SLC35D4: variants seen among roughly 807,000 people sequenced by gnomAD.
SLC35D4 encodes the protein UDP-N-acetylglucosamine transporter SLC35D4.
At chr18:23,290,038 C>T in the SLC35D4 span, among the ~76,000 whole-genome samples, 6 of 152,168 alleles carry the variant, frequency 3.9e-5, no homozygotes, top group Non-Finnish European at 8.8e-5. Flanking sequence ...TTCACATGGA[C>T]GCGCATGAAA....
At chr18:23,406,281 C>G in the SLC35D4 span, among the ~76,000 whole-genome samples, 2 of 152,194 alleles carry the variant, frequency 1.3e-5, no homozygotes, top group African/African-American at 4.8e-5. Flanking sequence ...AAACTTCACA[C>G]ATTTCCCTGG....
At chr18:23,389,055 T>C in the SLC35D4 span, among the ~76,000 whole-genome samples, 366 of 146,394 alleles carry the variant, frequency 2.5e-3, 4 homozygotes, top group South Asian at 3.7e-3. Context: ...AGTGGCGCCA[T>C]CTTGGCTCAC....
chr18:23,423,600 A>C, the SLC35D4 span, among the ~76,000 whole-genome samples: 7 of 152,218 alleles, frequency 4.6e-5, no homozygotes, highest in Non-Finnish European at 1.0e-4. Context: ...ACCCCGGTCT[A>C]GTGAAAGTAA....
At chr18:23,269,753 C>G in the SLC35D4 span, among the ~76,000 whole-genome samples, 2 of 152,158 alleles carry the variant, frequency 1.3e-5, no homozygotes, top group African/African-American at 4.8e-5. Context: ...TTGTTGGGAA[C>G]TGGAATAAAG....
At chr18:23,365,684 C>G in the SLC35D4 span, 2 of 1,612,796 alleles carry the variant, frequency 1.2e-6, no homozygotes, top group Non-Finnish European at 1.7e-6. Flanking sequence ...AAAGAGACAG[C>G]AAAGTAGTCA....
chr18:23,302,989 G>T, the SLC35D4 span, among the ~76,000 whole-genome samples: 1 of 152,204 alleles, frequency 6.6e-6, no homozygotes, highest in African/African-American at 2.4e-5. Context: ...CAAATGAGAA[G>T]AAATAGTAAC....
At chr18:23,360,569 C>A in the SLC35D4 span, among the ~76,000 whole-genome samples, 1 of 152,112 alleles carries the variant, frequency 6.6e-6, no homozygotes, top group African/African-American at 2.4e-5. Flanking sequence ...ATAGACAGAA[C>A]TTATCTATGG....
At chr18:23,260,077 C>G in the SLC35D4 span, 5 of 152,244 alleles carry the variant, frequency 3.3e-5, no homozygotes, top group African/African-American at 9.7e-5. Context: ...GAGGTTGCTG[C>G]AGCTGCCCCC....
chr18:23,351,175 G>C, the SLC35D4 span, among the ~76,000 whole-genome samples: 1 of 152,180 alleles, frequency 6.6e-6, no homozygotes, highest in Non-Finnish European at 1.5e-5. Context: ...GGGAGGCTGA[G>C]GTGGGTGGAT....
chr18:23,394,698 G>A, the SLC35D4 span, among the ~76,000 whole-genome samples: 6 of 152,086 alleles, frequency 3.9e-5, no homozygotes, highest in Non-Finnish European at 5.9e-5. Flanking sequence ...ATGGCCGTGC[G>A]CAGTGGCTCA....
chr18:23,417,029 G>C, the SLC35D4 span, among the ~76,000 whole-genome samples: 1 of 152,110 alleles, frequency 6.6e-6, no homozygotes, highest in Admixed American at 6.6e-5. Flanking sequence ...ACTGCTTGAG[G>C]TCAGGAGTTA....
chr18:23,257,538 A>G, the SLC35D4 span: 3 of 651,336 alleles, frequency 4.6e-6, no homozygotes, highest in Non-Finnish European at 7.3e-6. Flanking sequence ...TTGGGTGTGT[A>G]GCCAAGAGGA....
the SLC35D4 span, among the ~76,000 whole-genome samples, chr18:23,256,201 C>T: frequency 1.3e-5 from 2 of 152,236 alleles, no homozygotes; most frequent in East Asian, 1.9e-4. Context: ...GACGCCAAGG[C>T]AGAATGTGCC....
At chr18:23,427,767 C>T in the SLC35D4 span, among the ~76,000 whole-genome samples, 4 of 152,230 alleles carry the variant, frequency 2.6e-5, no homozygotes, top group South Asian at 8.3e-4. Flanking sequence ...TTGGAACCAA[C>T]CCAAATGTCC....
chr18:23,405,219 G>A, the SLC35D4 span, among the ~76,000 whole-genome samples: 28 of 152,050 alleles, frequency 1.8e-4, no homozygotes, highest in South Asian at 1.9e-3. Flanking sequence ...ATGGAGTCTC[G>A]CTCTGTCACC....
chr18:23,357,048 C>A, the SLC35D4 span, among the ~76,000 whole-genome samples: 1 of 152,174 alleles, frequency 6.6e-6, no homozygotes. Context: ...AATGTTAACT[C>A]CAGTCAATCC....
At chr18:23,298,052 C>A in the SLC35D4 span, 1 of 1,613,868 alleles carries the variant, frequency 6.2e-7, no homozygotes. Context: ...CCTCTCCAAG[C>A]GCACCGAGCA....
the SLC35D4 span, among the ~76,000 whole-genome samples, chr18:23,246,995 C>T: frequency 6.6e-6 from 1 of 152,188 alleles, no homozygotes; most frequent in African/African-American, 2.4e-5. Flanking sequence ...GCCCAGCTTG[C>T]AAGTTTTTAT....
At chr18:23,281,340 T>C in the SLC35D4 span, among the ~76,000 whole-genome samples, 2 of 152,160 alleles carry the variant, frequency 1.3e-5, no homozygotes, top group African/African-American at 4.8e-5. Flanking sequence ...TACTTTTTTT[T>C]GAGACAAGAT....
Sources: gnomAD v4.1 joint callset for allele counts (sites outside exome capture counted in the v4.1 genomes callset) on GRCh38, gnomAD v4.1.1 for gene constraint, MANE v1.5 for transcripts, NCBI Gene and HGNC (gene_info 2026-07-23, HGNC 2026-07-21) for gene names.